ZBTB46: variants seen among roughly 807,000 people sequenced by gnomAD.
ZBTB46 encodes the protein zinc finger and BTB domain containing 46.
ZBTB46 carries 8 observed loss-of-function variants against 44.1 expected under a neutral mutation model. The ratio of observed to expected loss-of-function variants is 0.18; its 90% CI spans 0.11 to 0.33. The LOEUF is 0.33. Among genes scored for constraint, ZBTB46 ranks in the 10% least tolerant of loss-of-function variants. ZBTB46 has a pLI of 1.00. For missense variants in ZBTB46, 651 were observed against 847.7 expected, an observed-to-expected ratio of 0.77 and a Z score of 2.88; for synonymous variants, 409 against 382.3, an observed-to-expected ratio of 1.07 and a Z score of -0.81.
chr20:63,756,907 G>C (rs558818803), intron 3 of ZBTB46, among the ~76,000 whole-genome samples: 2 of 152,336 alleles, frequency 1.3e-5, no homozygotes, highest in African/African-American at 4.8e-5. Context: ...ATACCAGTTT[G>C]GGCCTATTGA....
intron 1 of ZBTB46, among the ~76,000 whole-genome samples, chr20:63,791,691 C>G (rs2092562335): frequency 6.6e-6 from 1 of 151,576 alleles, no homozygotes; most frequent in Non-Finnish European, 1.5e-5. Context: ...GGAGCTCAGG[C>G]CCTGCGGCTG....
At chr20:63,796,794 C>T (rs1235953815) in intron 1 of ZBTB46, among the ~76,000 whole-genome samples, 2 of 152,050 alleles carry the variant, frequency 1.3e-5, no homozygotes, top group African/African-American at 2.4e-5. Flanking sequence ...CATTGCACTC[C>T]AGCCTGGGCA....
chr20:63,791,350 G>T (rs1399940192), intron 1 of ZBTB46, among the ~76,000 whole-genome samples: 1 of 151,992 alleles, frequency 6.6e-6, no homozygotes, highest in Non-Finnish European at 1.5e-5. Context: ...AAAAAAAGCA[G>T]CTGGGCATGG....
rs773852418 is a variant in ZBTB46 at position 63,775,804 on chromosome 20, C to A, written c.1096G>T (p.Ala366Ser). The change falls in exon 3 of 5, where the codon GCG becomes TCG. Residue 366 changes from alanine to serine, a missense_variant. This residue lies in a region of ZBTB46 where 385 missense variants were observed against 423.3 expected (regional missense o/e 0.91). Transcript: ENST00000245663. ...EKDDALHQATAVANLRAALMS... is the reference protein window; with the variant it reads ...EKDDALHQATSVANLRAALMS... ...AGCGCCGCGCGCAGGTTGGCCACCG[C>A]GGTGGCCTGATGCAGGGCGTCGTCC... The A allele has an allele frequency of 2.2e-5, 35 of 1,613,298 alleles. No homozygotes were observed. The South Asian group carries it at 3.4e-4, about 16-fold the overall frequency.
intron 1 of ZBTB46, among the ~76,000 whole-genome samples, chr20:63,808,525 G>A (rs2092696949): frequency 5.3e-5 from 8 of 152,248 alleles, no homozygotes; most frequent in Admixed American, 2.6e-4. Flanking sequence ...GGCAGGGCCT[G>A]GGCTCCGGGG....
At chr20:63,832,731 C>T (rs543279425), upstream of ZBTB46, among the ~76,000 whole-genome samples, 6 of 152,302 alleles carry the variant, frequency 3.9e-5, no homozygotes, top group African/African-American at 1.4e-4. This position sits in a 1 kb window ranked among gnomAD's most constrained non-coding sequence, Gnocchi z 5.0. Context: ...TCGCGCGGCA[C>T]CCTCTCGGTG....
chr20:63,801,195 G>A (rs1175331527), intron 1 of ZBTB46, among the ~76,000 whole-genome samples: 1 of 151,846 alleles, frequency 6.6e-6, no homozygotes, highest in Non-Finnish European at 1.5e-5. Flanking sequence ...ATGTCTAGCT[G>A]AGGGATTGTA....
intron 1 of ZBTB46, among the ~76,000 whole-genome samples, chr20:63,801,370 ACCAATCAGCACCCTGTCAAAATGGG>A (rs993985323): frequency 1.3e-5 from 2 of 152,152 alleles, no homozygotes; most frequent in African/African-American, 4.8e-5. Flanking sequence ...TTGTCAACGC[ACCAATCAGCACCCTGTCAAAATGGG>A]CCAATCAGCT....
intron 1 of ZBTB46, among the ~76,000 whole-genome samples, chr20:63,800,433 C>T (rs914428275): frequency 6.6e-6 from 1 of 152,216 alleles, no homozygotes; most frequent in Non-Finnish European, 1.5e-5. Context: ...ACTCTTGGCG[C>T]CTCCTCGACC....
chr20:63,800,536 T>C (rs2092635475), intron 1 of ZBTB46, among the ~76,000 whole-genome samples: 1 of 152,114 alleles, frequency 6.6e-6, no homozygotes, highest in Non-Finnish European at 1.5e-5. Flanking sequence ...CGGAGCCGGC[T>C]CCCTCAGCTT....
At chr20:63,749,537 C>G (rs559452676) in intron 4 of ZBTB46, among the ~76,000 whole-genome samples, 1 of 152,138 alleles carries the variant, frequency 6.6e-6, no homozygotes, top group Non-Finnish European at 1.5e-5. Context: ...GGGGTTTCAC[C>G]GTGTTAGCCA....
chr20:63,754,283 GAGTC>G (rs750505232), intron 3 of ZBTB46, among the ~76,000 whole-genome samples: 3 of 152,110 alleles, frequency 2.0e-5, no homozygotes, highest in Non-Finnish European at 4.4e-5. Flanking sequence ...TCTCCTCCGT[GAGTC>G]AGTAACAAGA....
rs142785430 is a variant in ZBTB46 at position 63,803,893 on chromosome 20, C to T, written c.-33-13103G>A. Among the ~76,000 whole-genome samples, 7 of 152,266 alleles carry T rather than the reference C, an allele frequency of 4.6e-5. No individual in the cohort carries two copies. The South Asian group carries it at 1.0e-3, about 23-fold the overall frequency. ...GGCTAATTTTTTTGTTTTGTAGAGA[C>T]GGGGTTCTGTCGTGTTGCCCAGGTT... On this transcript the variant is annotated intron_variant, in intron 1 of 4. Coordinates refer to ENST00000245663, the MANE Select transcript of ZBTB46 (RefSeq NM_001369741.1). The surrounding 1 kb of genome is among the most constrained non-coding windows in gnomAD (Gnocchi z 4.0).
rs1469144168 is a variant in ZBTB46 at position 63,770,161 on chromosome 20, G to A, written c.1222+5517C>T. On this transcript the variant is annotated intron_variant, in intron 3 of 4. Transcript: ENST00000245663. ...GGCTTACAGTCTCCTGTCCCCGGCC[G>A]ACCGGCCGGCGGCGCATCCTCGGCT... Among the ~76,000 whole-genome samples, 14 of 152,320 alleles carry A rather than the reference G, an allele frequency of 9.2e-5. No homozygotes were observed. The South Asian group carries it at 1.9e-3, about 20-fold the overall frequency.
At chr20:63,766,745 T>G (rs1023212982) in intron 3 of ZBTB46, among the ~76,000 whole-genome samples, 1 of 152,106 alleles carries the variant, frequency 6.6e-6, no homozygotes, top group Non-Finnish European at 1.5e-5. Context: ...GAAACTCATC[T>G]CAGGAACATA....
At chr20:63,812,706 G>T (rs1196067833) in intron 1 of ZBTB46, among the ~76,000 whole-genome samples, 2 of 152,078 alleles carry the variant, frequency 1.3e-5, no homozygotes, top group Non-Finnish European at 1.5e-5. Flanking sequence ...TTGAACCCGG[G>T]AGGTGGGGGT....
intron 3 of ZBTB46, among the ~76,000 whole-genome samples, chr20:63,753,317 A>G (rs1363363627): frequency 6.6e-6 from 1 of 152,194 alleles, no homozygotes; most frequent in Non-Finnish European, 1.5e-5. Context: ...TACGGACCCA[A>G]AAGTGTGCAG....
At chr20:63,819,344 T>C (rs974542390) in intron 1 of ZBTB46, among the ~76,000 whole-genome samples, 1 of 152,160 alleles carries the variant, frequency 6.6e-6, no homozygotes, top group Non-Finnish European at 1.5e-5. Context: ...CTTTGCTCCC[T>C]CCAGGAGCGC....
intron 1 of ZBTB46, among the ~76,000 whole-genome samples, chr20:63,824,323 T>A (rs1051850506): frequency 2.0e-5 from 3 of 152,138 alleles, no homozygotes; most frequent in African/African-American, 4.8e-5. Flanking sequence ...CGAAAATACC[T>A]AAGCTGGCTT....
Sources: gnomAD v4.1 joint callset for allele counts (sites outside exome capture counted in the v4.1 genomes callset) on GRCh38, gnomAD v4.1.1 for gene constraint, gnomAD v4.1.1 regional missense constraint, Gnocchi (gnomAD v3.1) non-coding constraint, MANE v1.5 for transcripts, NCBI Gene and HGNC (gene_info 2026-07-23, HGNC 2026-07-21) for gene names.